LRRC4C: variants seen among roughly 807,000 people sequenced by gnomAD.
LRRC4C encodes leucine-rich repeat-containing protein 4C.
In LRRC4C, 5 loss-of-function variants were observed where a neutral mutation model predicts 33.6. The ratio of observed to expected loss-of-function variants is 0.15; its 90% CI spans 0.08 to 0.31. The LOEUF (loss-of-function observed/expected upper bound fraction) is 0.31, where lower values mean the gene tolerates loss of function less well. Ranked by LOEUF, LRRC4C falls within the 10% of genes least tolerant of loss-of-function variation. LRRC4C has a pLI of 1.00. For synonymous variants in LRRC4C, 329 were observed against 302.0 expected, an observed-to-expected ratio of 1.09 and a Z score of -0.93; for missense variants, 560 against 796.7, an observed-to-expected ratio of 0.70 and a Z score of 3.58.
intron 1 of LRRC4C, among the ~76,000 whole-genome samples, chr11:41,248,096 C>T (rs1948512289): frequency 6.6e-6 from 1 of 152,192 alleles, no homozygotes; most frequent in African/African-American, 2.4e-5. Context: ...AAGAACCCAG[C>T]AGATTCTTAT....
chr11:40,167,855 A>T (rs61911825), intron 5 of LRRC4C, among the ~76,000 whole-genome samples: 3,341 of 151,980 alleles, frequency 0.022, 61 homozygotes, highest in Non-Finnish European at 0.035. Context: ...GACCAGCCTG[A>T]CCAACATGGA....
chr11:40,276,362 G>T (rs1014111938), intron 4 of LRRC4C, among the ~76,000 whole-genome samples: 11 of 152,090 alleles, frequency 7.2e-5, no homozygotes, highest in African/African-American at 2.4e-4. Flanking sequence ...ATAAAATAGT[G>T]ACTAGCTCCA....
chr11:41,052,122 C>A (rs1412417312), intron 1 of LRRC4C, among the ~76,000 whole-genome samples: 8 of 152,076 alleles, frequency 5.3e-5, no homozygotes, highest in African/African-American at 1.9e-4. Flanking sequence ...ACCTACTCAG[C>A]CTTTTTCCCT....
At chr11:41,184,255 G>GC (rs1555103579) in intron 1 of LRRC4C, among the ~76,000 whole-genome samples, 2 of 147,776 alleles carry the variant, frequency 1.4e-5, no homozygotes, top group African/African-American at 5.0e-5. Flanking sequence ...CAGAAAATGC[G>GC]TTTTTTTTTT....
chr11:41,424,135 C>T (rs1954961717), intron 1 of LRRC4C, among the ~76,000 whole-genome samples: 1 of 151,964 alleles, frequency 6.6e-6, no homozygotes, highest in Non-Finnish European at 1.5e-5. Context: ...TTATTGAGAG[C>T]TACTAGAAGA....
chr11:40,187,633 A>C (rs939930783), intron 5 of LRRC4C, among the ~76,000 whole-genome samples: 1 of 152,072 alleles, frequency 6.6e-6, no homozygotes, highest in African/African-American at 2.4e-5. Flanking sequence ...GCAAGGGCAA[A>C]GAGAAGGAAA....
chr11:40,504,696 T>A (rs1954945565), intron 3 of LRRC4C, among the ~76,000 whole-genome samples: 1 of 152,192 alleles, frequency 6.6e-6, no homozygotes, highest in African/African-American at 2.4e-5. Context: ...AATATTAAAT[T>A]ATAATTTCAT....
At chr11:41,039,988 A>G (rs1474022314) in intron 1 of LRRC4C, among the ~76,000 whole-genome samples, 4 of 151,892 alleles carry the variant, frequency 2.6e-5, no homozygotes, top group African/African-American at 4.8e-5. Flanking sequence ...ATACAAAAAA[A>G]TTAGCCGGGC....
At chr11:41,267,960 C>T (rs1341593454) in intron 1 of LRRC4C, among the ~76,000 whole-genome samples, 2 of 151,926 alleles carry the variant, frequency 1.3e-5, no homozygotes, top group Non-Finnish European at 2.9e-5. Flanking sequence ...CTTTGAGTAC[C>T]CTGCTTACCA....
intron 1 of LRRC4C, among the ~76,000 whole-genome samples, chr11:41,280,879 G>C (rs181879803): frequency 3.1e-4 from 47 of 152,186 alleles, no homozygotes; most frequent in Non-Finnish European, 5.4e-4. Context: ...AATCAATTTA[G>C]AAGCAAATAG....
chr11:41,084,177 T>A (rs1048682554), intron 1 of LRRC4C, among the ~76,000 whole-genome samples: 1 of 152,172 alleles, frequency 6.6e-6, no homozygotes, highest in South Asian at 2.1e-4. Context: ...AAGGGAGAAG[T>A]AATGACCTCC....
intron 3 of LRRC4C, among the ~76,000 whole-genome samples, chr11:40,448,374 T>C (rs1951733535): frequency 6.6e-6 from 1 of 152,090 alleles, no homozygotes; most frequent in South Asian, 2.1e-4. Context: ...CTACATTAGG[T>C]ATTTCTCCTA....
intron 4 of LRRC4C, among the ~76,000 whole-genome samples, chr11:40,255,084 A>G (rs1331679978): frequency 1.3e-5 from 2 of 152,152 alleles, no homozygotes; most frequent in East Asian, 3.9e-4. Flanking sequence ...TACAAGCGTG[A>G]GTCACCGCAC....
chr11:41,309,035 C>A (rs1950578917), intron 1 of LRRC4C, among the ~76,000 whole-genome samples: 1 of 152,138 alleles, frequency 6.6e-6, no homozygotes, highest in Non-Finnish European at 1.5e-5. Context: ...AACTGCCAAC[C>A]TCAGGTGATC....
chr11:40,347,442 A>C (rs866266111), intron 3 of LRRC4C, among the ~76,000 whole-genome samples: 49 of 152,084 alleles, frequency 3.2e-4, no homozygotes, highest in African/African-American at 1.2e-3. Context: ...CCTATCATTC[A>C]TGTGTTCGCT....
At chr11:40,998,917 C>T (rs1854167795) in intron 1 of LRRC4C, among the ~76,000 whole-genome samples, 1 of 152,082 alleles carries the variant, frequency 6.6e-6, no homozygotes, top group Non-Finnish European at 1.5e-5. Context: ...TATCTCCCTC[C>T]TTTCCCGCAT....
chr11:41,097,622 T>C (rs1390947496), intron 1 of LRRC4C, among the ~76,000 whole-genome samples: 1 of 152,156 alleles, frequency 6.6e-6, no homozygotes, highest in East Asian at 1.9e-4. Flanking sequence ...ATCAGAATTA[T>C]TCATCTACCC....
At chr11:40,620,038 T>C (rs139191653) in intron 3 of LRRC4C, among the ~76,000 whole-genome samples, 2,985 of 136,630 alleles carry the variant, frequency 0.022, 47 homozygotes, top group South Asian at 0.043. Context: ...AAAATTGAAG[T>C]TTAAAAGGAA....
chr11:41,432,427 G>A (rs1955271070), intron 1 of LRRC4C, among the ~76,000 whole-genome samples: 1 of 152,074 alleles, frequency 6.6e-6, no homozygotes, highest in African/African-American at 2.4e-5. Flanking sequence ...TAGGTGAGGA[G>A]GATTAAAGCA....
Sources: allele counts gnomAD v4.1 joint callset (sites outside exome capture counted in the v4.1 genomes callset), GRCh38; gene constraint gnomAD v4.1.1; transcripts MANE v1.5; gene names NCBI Gene and HGNC (gene_info 2026-07-23, HGNC 2026-07-21).